Variants in ATAD3B observed in about 807,000 individuals in gnomAD.
ATAD3B encodes the protein ATPase family AAA domain containing 3B, also known as ATPase family AAA domain-containing protein 3B.
In ATAD3B, 59 loss-of-function variants were observed where a neutral mutation model predicts 70.2. That is an observed-to-expected ratio of 0.84 (90% CI 0.68 to 1.04). The LOEUF (loss-of-function observed/expected upper bound fraction) is 1.04, where lower values mean the gene tolerates loss of function less well. Ranked by LOEUF, ATAD3B falls within the 50% of genes least tolerant of loss-of-function variation. The probability of loss-of-function intolerance (pLI) is 0.00; values close to 1 mark genes in which losing one functional copy is unlikely to be tolerated. For synonymous variants in ATAD3B, 423 were observed against 388.6 expected (o/e 1.09, Z -1.04); for missense variants, 961 against 913.4 (o/e 1.05, Z -0.67).
At chr1:1,508,838 G>A in the ATAD3B span, among the ~76,000 whole-genome samples, 1 of 151,600 alleles carries the variant, frequency 6.6e-6, no homozygotes, top group Non-Finnish European at 1.5e-5. Context: ...AGGGTCTGAG[G>A]TGCACTATGA....
chr1:1,487,412 C>T (rs147792428), intron 11 of ATAD3B, among the ~76,000 whole-genome samples: 2,048 of 150,324 alleles, frequency 0.014, 39 homozygotes, highest in South Asian at 0.029. Context: ...GGCGTGAACC[C>T]GGGAGGCAGA....
In ATAD3B at chr1:1,496,116, G is replaced by A. The variant is rs555536226; in HGVS notation, c.*299G>A. The stretch of plus-strand genomic sequence containing the variant: ...AGGGGCCACGGAACCCGGCAGGGGT[G>A]TCTGAGGCCGCCCTGTCAGCTGGCC... On this transcript the variant is annotated 3_prime_UTR_variant, in exon 16 of 16. Transcript: ENST00000673477. The A allele has an allele frequency of 1.9e-4, 225 of 1,156,638 alleles. 5 individuals carry two copies. The highest frequency in any genetic ancestry group is 2.3e-4 in the Non-Finnish European group (220 of 936,570). The allele number at this position is 1,156,638 out of a possible 1,614,324, so 71.6% of individuals were successfully genotyped here. A position where few individuals can be genotyped will look rare whatever the true frequency, so the allele number is the denominator to read the frequency against.
chr1:1,472,576 C>T (rs2100508582), intron 1 of ATAD3B, among the ~76,000 whole-genome samples: 1 of 152,142 alleles, frequency 6.6e-6, no homozygotes, highest in South Asian at 2.1e-4. Flanking sequence ...TTAGCATTTG[C>T]ACGGCGAGGT....
intron 13 of ATAD3B, 47 bp downstream of exon 13, chr1:1,489,321 C>T (rs1640402504): frequency 5.0e-6 from 8 of 1,611,810 alleles, no homozygotes; most frequent in Non-Finnish European, 6.8e-6. Flanking sequence ...GGCTGTGCAG[C>T]CGTCGCCCTT....
chr1:1,500,086 C>T (rs1160997222), downstream of ATAD3B, among the ~76,000 whole-genome samples: 3 of 148,970 alleles, frequency 2.0e-5, no homozygotes, highest in African/African-American at 4.9e-5. Flanking sequence ...TTAGTAGAGA[C>T]GGGGTTTCAC....
In ATAD3B at chr1:1,495,489, C is replaced by T. The variant is rs752927114; in HGVS notation, c.1619C>T (p.Thr540Met). ...IAQLAVSWQA[T>M]AYASKDGVLT... ...AGCTCCCTCTCTCTTCACTAGGCCACGGCATATGCCTCCAAGGACGGGGTC... is the reference window on the plus strand; with the variant it reads ...AGCTCCCTCTCTCTTCACTAGGCCATGGCATATGCCTCCAAGGACGGGGTC... Residue 540 changes from threonine to methionine, a missense_variant, in exon 16 of 16, where the codon ACG becomes ATG. This residue lies in a region of ATAD3B where 417 missense variants were observed against 335.0 expected (regional missense o/e 1.24). Transcript: ENST00000673477. 21 of 1,602,598 alleles carry T rather than the reference C, an allele frequency of 1.3e-5. No individual in the cohort carries two copies. The highest frequency in any genetic ancestry group is 4.5e-5 in the East Asian group (2 of 44,692).
At chr1:1,488,853 T>C (rs755620754) in intron 12 of ATAD3B, among the ~76,000 whole-genome samples, 1 of 151,862 alleles carries the variant, frequency 6.6e-6, no homozygotes, top group African/African-American at 2.4e-5. Context: ...TAAATGTATT[T>C]TTTATTTTTT....
chr1:1,472,241 G>T, intron 1 of ATAD3B, 152 bp downstream of exon 1: 1 of 1,404,934 alleles, frequency 7.1e-7, no homozygotes, highest in East Asian at 4.0e-5. Flanking sequence ...GCCGTCTCGC[G>T]TGCCGGGAGG....
At chr1:1,509,311 G>C in the ATAD3B span, 1 of 1,612,414 alleles carries the variant, frequency 6.2e-7, no homozygotes, top group Non-Finnish European at 8.5e-7. Flanking sequence ...TGGCTGAAGA[G>C]GGGGAGGCCT....
At chr1:1,473,458 C>T (rs760668289) in intron 1 of ATAD3B, among the ~76,000 whole-genome samples, 6 of 151,634 alleles carry the variant, frequency 4.0e-5, no homozygotes, top group Admixed American at 1.3e-4. Context: ...CCCGCCTCGG[C>T]CTCCCAAAGT....
chr1:1,480,731 G>C, intron 4 of ATAD3B, 136 bp from the exon 5 acceptor site: 6 of 1,472,598 alleles, frequency 4.1e-6, no homozygotes, highest in South Asian at 1.3e-5. Context: ...CTGTGTCAGG[G>C]TGCGGCGTCT....
intron 2 of ATAD3B, among the ~76,000 whole-genome samples, chr1:1,477,809 G>A (rs1381633197): frequency 2.7e-5 from 4 of 149,532 alleles, no homozygotes; most frequent in African/African-American, 4.9e-5. Context: ...GGGTTCAAGC[G>A]ATTCATCTGC....
the ATAD3B span, among the ~76,000 whole-genome samples, chr1:1,508,882 G>A: frequency 1.9e-3 from 288 of 151,762 alleles, 1 homozygote; most frequent in Middle Eastern, 0.014. Flanking sequence ...GCTGAGACAC[G>A]CAGAGGGTCT....
At chr1:1,501,489 T>G (rs1640944630), downstream of ATAD3B, among the ~76,000 whole-genome samples, 1 of 152,078 alleles carries the variant, frequency 6.6e-6, no homozygotes. Flanking sequence ...TCTCCTGACT[T>G]CGTGATCCGC....
chr1:1,480,740 C>A, intron 4 of ATAD3B, 127 bp from the exon 5 acceptor site: 1 of 1,509,532 alleles, frequency 6.6e-7, no homozygotes, highest in South Asian at 1.3e-5. Flanking sequence ...GGTGCGGCGT[C>A]TGCAGGTCCC....
At chr1:1,494,682 C>G (rs1486579450) in intron 15 of ATAD3B, among the ~76,000 whole-genome samples, 2 of 152,012 alleles carry the variant, frequency 1.3e-5, no homozygotes, top group Non-Finnish European at 2.9e-5. Flanking sequence ...GCTGCTGCCC[C>G]TGCACCCCGT....
In ATAD3B at chr1:1,481,069, T is replaced by C. The variant is rs1639887344; in HGVS notation, c.514+133T>C. On this transcript the variant is annotated intron_variant, in intron 5 of 15. Coordinates refer to ENST00000673477, the MANE Select transcript of ATAD3B (RefSeq NM_031921.6). ...TGCAGTGGGCGAGGCCTGCTGGGGC[T>C]CTGCGGGGTGGGGCTCCCTCTCGGA... 2 of 1,479,956 alleles carry C rather than the reference T, an allele frequency of 1.4e-6. 1 individual carries two copies. Among genetic ancestry groups the C allele is most frequent in the Admixed American group, 4.9e-5 (2 of 40,846 alleles). 91.7% of individuals were successfully genotyped at this position (1,479,956 alleles called of 1,614,324 possible).
At chr1:1,508,549 G>C in the ATAD3B span, among the ~76,000 whole-genome samples, 7 of 151,422 alleles carry the variant, frequency 4.6e-5, no homozygotes, top group Admixed American at 6.6e-5. Flanking sequence ...CCCACACCCT[G>C]ACCCTGACCC....
the ATAD3B span, among the ~76,000 whole-genome samples, chr1:1,508,543 CACCCTG>C: frequency 6.6e-6 from 1 of 151,426 alleles, no homozygotes; most frequent in African/African-American, 2.5e-5. Flanking sequence ...GGGGTCCCCA[CACCCTG>C]ACCCTGACCC....
Sources: allele counts gnomAD v4.1 joint callset (sites outside exome capture counted in the v4.1 genomes callset), GRCh38; gene constraint gnomAD v4.1.1; regional missense constraint gnomAD v4.1.1; transcripts MANE v1.5; gene names NCBI Gene and HGNC (gene_info 2026-07-23, HGNC 2026-07-21).